The following ERBB4 variants were observed in gnomAD, a reference collection of about 807,000 sequenced individuals.
The protein encoded by ERBB4 is receptor tyrosine-protein kinase erbB-4.
A neutral mutation model predicts 158.0 loss-of-function variants in ERBB4; 42 were observed. The ratio of observed to expected loss-of-function variants is 0.27; its 90% CI spans 0.21 to 0.34. ERBB4 has a LOEUF of 0.34. Ranked by LOEUF, ERBB4 falls within the 10% of genes least tolerant of loss-of-function variation. ERBB4 has a pLI of 1.00. For missense variants in ERBB4, 1,333 were observed against 1,624.1 expected, an observed-to-expected ratio of 0.82 and a Z score of 3.08; for synonymous variants, 583 against 558.7, an observed-to-expected ratio of 1.04 and a Z score of -0.61.
intron 20 of ERBB4, among the ~76,000 whole-genome samples, chr2:211,495,557 T>C (rs1009496683): frequency 6.6e-6 from 1 of 152,096 alleles, no homozygotes; most frequent in Admixed American, 6.5e-5. Context: ...ATTAACCTTC[T>C]TGTAACCTCA....
At chr2:212,295,510 A>C (rs1215034181) in intron 1 of ERBB4, among the ~76,000 whole-genome samples, 1 of 152,110 alleles carries the variant, frequency 6.6e-6, no homozygotes, top group East Asian at 1.9e-4. Context: ...TTACTCTTTC[A>C]TACACATACA....
At chr2:211,816,420 AG>A (rs2076881244) in intron 3 of ERBB4, among the ~76,000 whole-genome samples, 1 of 151,466 alleles carries the variant, frequency 6.6e-6, no homozygotes, top group African/African-American at 2.4e-5. Context: ...ACACGCCTGT[AG>A]TCCCAGTGAC....
At chr2:211,707,952 C>T (rs1032574098) in intron 9 of ERBB4, among the ~76,000 whole-genome samples, 3 of 152,118 alleles carry the variant, frequency 2.0e-5, no homozygotes, top group Non-Finnish European at 4.4e-5. Flanking sequence ...CTATTTTAAT[C>T]AAACCATATG....
At chr2:211,905,245 C>T (rs2079346703) in intron 3 of ERBB4, among the ~76,000 whole-genome samples, 1 of 151,976 alleles carries the variant, frequency 6.6e-6, no homozygotes. Context: ...CATTTCTTAG[C>T]TCATAGTCCC....
intron 22 of ERBB4, among the ~76,000 whole-genome samples, chr2:211,426,126 A>AT (rs2063621531): frequency 1.0e-4 from 1 of 9,914 alleles, no homozygotes. Context: ...AGAAAATATA[A>AT]AATACAAAAA....
intron 3 of ERBB4, among the ~76,000 whole-genome samples, chr2:211,867,258 T>C (rs961860461): frequency 6.6e-6 from 1 of 152,188 alleles, no homozygotes; most frequent in African/African-American, 2.4e-5. Flanking sequence ...TTGATTCAGC[T>C]GTATAAAAAC....
intron 20 of ERBB4, among the ~76,000 whole-genome samples, chr2:211,531,668 G>A (rs1416950789): frequency 6.6e-6 from 1 of 152,068 alleles, no homozygotes; most frequent in Non-Finnish European, 1.5e-5. Context: ...AACAAATGCT[G>A]GCGAGGATGT....
chr2:212,416,920 C>G (rs941705440), intron 1 of ERBB4, among the ~76,000 whole-genome samples: 8 of 152,050 alleles, frequency 5.3e-5, no homozygotes. Context: ...ATGATTTTCA[C>G]TTCCTTTCAT....
chr2:211,861,817 C>T (rs1428893188), intron 3 of ERBB4, among the ~76,000 whole-genome samples: 2 of 152,042 alleles, frequency 1.3e-5, no homozygotes, highest in African/African-American at 4.8e-5. Flanking sequence ...CAGCAAACAG[C>T]AAGGAAATGA....
chr2:212,197,283 A>C (rs933715404), intron 1 of ERBB4, among the ~76,000 whole-genome samples: 6 of 152,228 alleles, frequency 3.9e-5, no homozygotes, highest in Admixed American at 6.5e-5. Context: ...ATAAGTGGGA[A>C]CAATAAAGAC....
chr2:212,116,258 A>C (rs1205531988), intron 2 of ERBB4, among the ~76,000 whole-genome samples: 5 of 151,722 alleles, frequency 3.3e-5, no homozygotes, highest in Non-Finnish European at 7.4e-5. Context: ...TTAGATTGAT[A>C]AATACTAGTC....
intron 19 of ERBB4, among the ~76,000 whole-genome samples, chr2:211,587,686 T>C (rs766422924): frequency 1.4e-4 from 22 of 152,074 alleles, no homozygotes; most frequent in Admixed American, 1.4e-3. Flanking sequence ...ACTTTTTAAA[T>C]TGGAAGAAGA....
At chr2:212,287,208 T>C (rs1156249503) in intron 1 of ERBB4, among the ~76,000 whole-genome samples, 1 of 152,080 alleles carries the variant, frequency 6.6e-6, no homozygotes, top group South Asian at 2.1e-4. Context: ...ATTTTCATAC[T>C]TTCTCTAATA....
chr2:212,418,419 G>C (rs145917240), intron 1 of ERBB4, among the ~76,000 whole-genome samples: 1,649 of 151,616 alleles, frequency 0.011, 19 homozygotes, highest in Non-Finnish European at 0.02. Context: ...GTATTGCTTA[G>C]AGTAATCCAA....
chr2:212,411,101 G>A (rs2091484971), intron 1 of ERBB4, among the ~76,000 whole-genome samples: 1 of 151,968 alleles, frequency 6.6e-6, no homozygotes, highest in Admixed American at 6.6e-5. Context: ...AATAAACACA[G>A]CTCAAGTTGA....
At chr2:212,204,720 A>C (rs941143385) in intron 1 of ERBB4, among the ~76,000 whole-genome samples, 12 of 151,608 alleles carry the variant, frequency 7.9e-5, no homozygotes, top group African/African-American at 2.4e-4. Context: ...AAAAAAAAAA[A>C]CAGTATTTAT....
At chr2:212,041,281 G>GT (rs1369398711) in intron 2 of ERBB4, among the ~76,000 whole-genome samples, 15 of 151,834 alleles carry the variant, frequency 9.9e-5, no homozygotes, top group African/African-American at 2.7e-4. Context: ...AGTTGTTGCT[G>GT]TTTTTTTTCA....
chr2:212,269,107 AAG>A (rs1430806814), intron 1 of ERBB4, among the ~76,000 whole-genome samples: 8 of 151,912 alleles, frequency 5.3e-5, no homozygotes, highest in African/African-American at 1.9e-4. Flanking sequence ...GGGTACTTGA[AAG>A]AGAGAGCAGA....
chr2:211,746,659 T>C (rs559616517), intron 5 of ERBB4, among the ~76,000 whole-genome samples: 2 of 151,922 alleles, frequency 1.3e-5, no homozygotes, highest in South Asian at 4.2e-4. Context: ...CGAAACCCCG[T>C]CTCTACTAAA....
Sources: allele counts gnomAD v4.1 joint callset (sites outside exome capture counted in the v4.1 genomes callset), GRCh38; gene constraint gnomAD v4.1.1; transcripts MANE v1.5; gene names NCBI Gene and HGNC (gene_info 2026-07-23, HGNC 2026-07-21).